Variants in USH2A observed in about 807,000 individuals in gnomAD.
USH2A encodes the protein Usher syndrome 2A (autosomal recessive, mild).
Under a neutral mutation model 538.9 loss-of-function variants are expected in USH2A, and 443 were observed. The ratio of observed to expected loss-of-function variants is 0.82; its 90% CI spans 0.76 to 0.89. The LOEUF is 0.89. Ranked by LOEUF, USH2A falls within the 40% of genes least tolerant of loss-of-function variation. The probability of loss-of-function intolerance (pLI) is 0.00; values close to 1 mark genes in which losing one functional copy is unlikely to be tolerated. For missense variants in USH2A, 6,633 were observed against 6,324.8 expected, an observed-to-expected ratio of 1.05 and a Z score of -1.65; for synonymous variants, 2,413 against 2,273.5, an observed-to-expected ratio of 1.06 and a Z score of -1.75.
intron 55 of USH2A, among the ~76,000 whole-genome samples, chr1:215,772,578 T>C (rs1422273765): frequency 6.6e-6 from 1 of 152,198 alleles, no homozygotes; most frequent in Non-Finnish European, 1.5e-5. Context: ...CTGCAAAAAG[T>C]CTGCCTTTAG....
rs1219468945 is a variant in USH2A, at chr1:215,888,680, A to C, written c.7969T>G (p.Phe2657Val). 9 of 1,614,148 alleles carry C rather than the reference A, an allele frequency of 5.6e-6. No individual in the cohort carries two copies. Among genetic ancestry groups the C allele is most frequent in the Non-Finnish European group, 7.6e-6 (9 of 1,180,018 alleles). Residue 2657 changes from phenylalanine to valine, a missense_variant, in exon 41 of 72, where the codon TTC becomes GTC. Phe to Val is a conservative substitution (Grantham distance 50). Transcript: ENST00000307340. ...PTHPNGLVEN[F>V]TIERRVKGKE... is the part of the protein sequence containing the mutation. ...CCTTTGACTCTTCTCTCAATTGTGA[A>C]ATTCTCCACCAAGCCATTGGGGTGG... is the stretch of plus-strand genomic sequence containing the variant.
At chr1:216,405,548 T>G (rs2039381363) in intron 3 of USH2A, among the ~76,000 whole-genome samples, 1 of 152,226 alleles carries the variant, frequency 6.6e-6, no homozygotes, top group Non-Finnish European at 1.5e-5. Context: ...GCCTTTATTT[T>G]AAATGCTACA....
At chr1:215,658,979 T>C (rs1421568722) in intron 64 of USH2A, among the ~76,000 whole-genome samples, 1 of 152,226 alleles carries the variant, frequency 6.6e-6, no homozygotes, top group Non-Finnish European at 1.5e-5. Flanking sequence ...TTATCATCCA[T>C]GAATTCAACA....
intron 38 of USH2A, among the ~76,000 whole-genome samples, chr1:215,923,979 G>T (rs1666169472): frequency 6.6e-6 from 1 of 151,462 alleles, no homozygotes; most frequent in African/African-American, 2.4e-5. Context: ...TCCCACTTCA[G>T]CCTCCCAAAG....
At chr1:215,789,799 A>T (rs763440926) in intron 51 of USH2A, among the ~76,000 whole-genome samples, 2 of 152,118 alleles carry the variant, frequency 1.3e-5, no homozygotes, top group Non-Finnish European at 1.5e-5. Context: ...TTTCAGTGGC[A>T]CACAGACTTT....
intron 12 of USH2A, among the ~76,000 whole-genome samples, chr1:216,248,603 T>C (rs1339332894): frequency 1.3e-5 from 2 of 151,984 alleles, no homozygotes; most frequent in African/African-American, 4.8e-5. Flanking sequence ...TTAACAGTGA[T>C]GAATGACTCA....
At chr1:216,216,427 A>G (rs754582646) in intron 15 of USH2A, among the ~76,000 whole-genome samples, 4 of 152,028 alleles carry the variant, frequency 2.6e-5, no homozygotes, top group Admixed American at 1.3e-4. Flanking sequence ...CCCATTACTT[A>G]TCTTTCTCCC....
rs1021864632 is a variant in USH2A at position 215,721,930 on chromosome 1, T to G, written c.12066+6100A>C. Among the ~76,000 whole-genome samples the G allele has an allele frequency of 2.0e-5, 3 of 152,186 alleles. No homozygotes were observed. In the East Asian group the frequency reaches 5.8e-4, roughly 30 times the overall value. ...AATTTAAAAAATTAGCTGGGCATGG[T>G]GGCATGCACCTATAGTCCCAGCTAC... On this transcript the variant is annotated intron_variant, in intron 61 of 71. Coordinates refer to ENST00000307340, the MANE Select transcript of USH2A (RefSeq NM_206933.4).
chr1:215,666,054 C>G (rs1210428817), intron 64 of USH2A, among the ~76,000 whole-genome samples: 2 of 152,138 alleles, frequency 1.3e-5, no homozygotes, highest in African/African-American at 2.4e-5. Flanking sequence ...AGTAATATTC[C>G]TAATTTTTTG....
intron 64 of USH2A, among the ~76,000 whole-genome samples, 180 bp downstream of exon 64, chr1:215,670,792 A>G (rs1307170849): frequency 6.6e-6 from 1 of 152,190 alleles, no homozygotes; most frequent in Non-Finnish European, 1.5e-5. Flanking sequence ...CAAGAAAATG[A>G]AAAAGGCAAT....
Position 215,622,926 on chromosome 1 carries a change from C to A in USH2A, c.*2855G>T, listed in dbSNP as rs1004892916. The A allele has an allele frequency of 1.3e-5, 2 of 152,112 alleles. No homozygotes were observed. Among genetic ancestry groups the A allele is most frequent in the Non-Finnish European group, 2.9e-5 (2 of 68,006 alleles). The allele number at this position is 152,112 out of a possible 1,614,324, so 9.4% of individuals were successfully genotyped here. A position where few individuals can be genotyped will look rare whatever the true frequency, so the allele number is the denominator to read the frequency against. On this transcript the variant is annotated 3_prime_UTR_variant, in exon 72 of 72. Coordinates refer to ENST00000307340, the MANE Select transcript of USH2A (RefSeq NM_206933.4). ...TTCAAATATTTATTAAGCAAACCAT[C>A]TTTAGATTAGTTTACATGATATTTG...
chr1:216,161,461 T>C (rs1211283270), intron 21 of USH2A, among the ~76,000 whole-genome samples: 1 of 152,116 alleles, frequency 6.6e-6, no homozygotes, highest in Non-Finnish European at 1.5e-5. Flanking sequence ...TTTACCACAG[T>C]TTAGCTCCAT....
At chr1:216,405,510 T>C (rs548973992) in intron 3 of USH2A, among the ~76,000 whole-genome samples, 38 of 152,264 alleles carry the variant, frequency 2.5e-4, no homozygotes, top group South Asian at 6.2e-4. Flanking sequence ...ATGGCTAAAA[T>C]GTTATTTTAA....
intron 62 of USH2A, among the ~76,000 whole-genome samples, chr1:215,679,615 A>G (rs545696223): frequency 9.8e-5 from 15 of 152,348 alleles, no homozygotes; most frequent in African/African-American, 3.6e-4. Flanking sequence ...AGAGCTTGAG[A>G]TACGTATACA....
intron 3 of USH2A, among the ~76,000 whole-genome samples, chr1:216,380,254 T>C (rs116710362): frequency 2.1e-3 from 320 of 152,284 alleles, no homozygotes; most frequent in African/African-American, 7.2e-3. Context: ...GGGAAGGTCA[T>C]TCAAAACACA....
At chr1:215,627,947 G>A (rs921870576) in intron 71 of USH2A, among the ~76,000 whole-genome samples, 10 of 152,210 alleles carry the variant, frequency 6.6e-5, no homozygotes, top group Admixed American at 5.2e-4. Context: ...TATTGTAGCC[G>A]CTCAGAGACT....
At chr1:216,196,135 G>A (rs1262559427) in intron 19 of USH2A, among the ~76,000 whole-genome samples, 1 of 152,094 alleles carries the variant, frequency 6.6e-6, no homozygotes, top group East Asian at 1.9e-4. Context: ...AAATGTATAT[G>A]AAATGTACAT....
At chr1:216,278,515 T>C (rs1226495085) in intron 11 of USH2A, among the ~76,000 whole-genome samples, 3 of 152,198 alleles carry the variant, frequency 2.0e-5, no homozygotes, top group African/African-American at 7.2e-5. Context: ...ATGAGAAATA[T>C]TACTACTAAA....
intron 55 of USH2A, among the ~76,000 whole-genome samples, chr1:215,767,772 G>A (rs1180351843): frequency 1.3e-5 from 2 of 152,136 alleles, no homozygotes; most frequent in African/African-American, 2.4e-5. Context: ...GATGAAATAG[G>A]ATACTCAAAG....
Sources: gnomAD v4.1 joint callset for allele counts (sites outside exome capture counted in the v4.1 genomes callset) on GRCh38, gnomAD v4.1.1 for gene constraint, MANE v1.5 for transcripts, NCBI Gene and HGNC (gene_info 2026-07-23, HGNC 2026-07-21) for gene names.